DPF3: variants seen among roughly 807,000 people sequenced by gnomAD.
DPF3 encodes the protein double PHD fingers 3, also known as zinc finger protein DPF3.
Under a neutral mutation model 56.8 loss-of-function variants are expected in DPF3, and 18 were observed. The ratio of observed to expected loss-of-function variants is 0.32; its 90% CI spans 0.22 to 0.47. The LOEUF (loss-of-function observed/expected upper bound fraction) is 0.47. Among genes scored for constraint, DPF3 ranks in the 20% least tolerant of loss-of-function variants. DPF3 has a pLI of 1.00. For missense variants in DPF3, 403 were observed against 488.8 expected (o/e 0.82, Z 1.65); for synonymous variants, 188 against 180.2 (o/e 1.04, Z -0.35).
At chr14:72,708,205 T>C (rs1167013237) in intron 6 of DPF3, among the ~76,000 whole-genome samples, 3 of 152,166 alleles carry the variant, frequency 2.0e-5, no homozygotes, top group Admixed American at 1.3e-4. Context: ...CAGGAGGGTC[T>C]AGGGACAGCA....
At chr14:72,753,141 A>G in intron 3 of DPF3, 123 bp downstream of exon 3, 1 of 776,146 alleles carries the variant, frequency 1.3e-6, no homozygotes, top group African/African-American at 1.7e-5. Flanking sequence ...TGATGTGGGC[A>G]TGTTCCCTCT....
At chr14:72,726,196 G>A (rs982347458) in intron 4 of DPF3, among the ~76,000 whole-genome samples, 4 of 152,194 alleles carry the variant, frequency 2.6e-5, no homozygotes, top group African/African-American at 4.8e-5. Context: ...GTTGCTGTTC[G>A]TAGAACCATC....
At chr14:72,881,083 G>A (rs1312094385) in intron 1 of DPF3, among the ~76,000 whole-genome samples, 2 of 152,136 alleles carry the variant, frequency 1.3e-5, no homozygotes, top group African/African-American at 4.8e-5. Flanking sequence ...TTGACTGAAC[G>A]TACATCCAGT....
intron 1 of DPF3, among the ~76,000 whole-genome samples, chr14:72,877,220 G>A (rs977084088): frequency 1.3e-5 from 2 of 152,118 alleles, no homozygotes; most frequent in South Asian, 2.1e-4. Flanking sequence ...GCTTTCCAGC[G>A]GGCTTTTTCT....
chr14:72,732,956 G>A (rs530500243), intron 3 of DPF3, among the ~76,000 whole-genome samples: 3 of 148,002 alleles, frequency 2.0e-5, no homozygotes, highest in Non-Finnish European at 4.4e-5. Context: ...TTTAGAGACA[G>A]GGTCTTACTT....
chr14:72,830,123 A>G (rs917738935), intron 1 of DPF3, among the ~76,000 whole-genome samples: 1 of 152,190 alleles, frequency 6.6e-6, no homozygotes, highest in African/African-American at 2.4e-5. Flanking sequence ...TTTTAACACC[A>G]TTGTTTCTTA....
At chr14:72,759,106 T>C (rs1890961933) in intron 2 of DPF3, among the ~76,000 whole-genome samples, 1 of 152,226 alleles carries the variant, frequency 6.6e-6, no homozygotes, top group South Asian at 2.1e-4. Flanking sequence ...GATACATATG[T>C]ATTTTTAAGA....
chr14:72,837,592 G>T (rs1236563954), intron 1 of DPF3, among the ~76,000 whole-genome samples: 1 of 152,036 alleles, frequency 6.6e-6, no homozygotes, highest in African/African-American at 2.4e-5. Context: ...ACAAAAATTA[G>T]CTGGGCGCAG....
At chr14:72,709,624 G>A (rs1300406742) in intron 6 of DPF3, among the ~76,000 whole-genome samples, 1 of 152,164 alleles carries the variant, frequency 6.6e-6, no homozygotes, top group Non-Finnish European at 1.5e-5. Flanking sequence ...GAGAGCATAT[G>A]TAAGGGGCAG....
At chr14:72,852,909 G>A (rs1389593702) in intron 1 of DPF3, among the ~76,000 whole-genome samples, 1 of 152,110 alleles carries the variant, frequency 6.6e-6, no homozygotes, top group Non-Finnish European at 1.5e-5. Context: ...TTATAGAAAG[G>A]ACTTTTCTAA....
At chr14:72,810,905 T>C (rs1361211369) in intron 1 of DPF3, among the ~76,000 whole-genome samples, 1 of 152,218 alleles carries the variant, frequency 6.6e-6, no homozygotes, top group Non-Finnish European at 1.5e-5. Flanking sequence ...CCATTTGTAT[T>C]ACTATAAAGG....
Position 72,821,561 on chromosome 14 carries a change from A to G in DPF3, c.33-49668T>C, listed in dbSNP as rs1042842454. Among the ~76,000 whole-genome samples the G allele has an allele frequency of 3.9e-5, 6 of 152,238 alleles. No homozygotes were observed. In the South Asian group the frequency reaches 1.0e-3, roughly 26 times the overall value. On this transcript the variant is annotated intron_variant, in intron 1 of 10. Coordinates refer to ENST00000556509, the MANE Select transcript of DPF3 (RefSeq NM_001280542.3). ...ATTGTCCATGGTACAAACTTAATAA[A>G]TATTTCTCAAATATACTCAACGTAT...
intron 1 of DPF3, among the ~76,000 whole-genome samples, chr14:72,805,611 C>T (rs893886134): frequency 1.3e-5 from 2 of 152,010 alleles, no homozygotes; most frequent in Admixed American, 6.6e-5. Flanking sequence ...TTTGGGAGGC[C>T]GAGGTGGGCA....
intron 7 of DPF3, among the ~76,000 whole-genome samples, chr14:72,676,328 C>CA (rs1886905741): frequency 1.3e-5 from 2 of 152,174 alleles, no homozygotes; most frequent in Non-Finnish European, 2.9e-5. Flanking sequence ...CTAGTCTCCT[C>CA]AGCTGTCTCT....
At position 72,821,583 on chromosome 14, in the gene DPF3, G is replaced by A. The variant is rs531557233; in HGVS notation, c.33-49690C>T. On this transcript the variant is annotated intron_variant, in intron 1 of 10. Coordinates refer to ENST00000556509, the MANE Select transcript of DPF3 (RefSeq NM_001280542.3). ...TAAATATTTCTCAAATATACTCAAC[G>A]TATACACTATATAAGAACCTTAGAA... Among the ~76,000 whole-genome samples, 6 of 152,264 alleles carry A rather than the reference G, an allele frequency of 3.9e-5. No homozygotes were observed. In the East Asian group the frequency reaches 5.8e-4, roughly 15 times the overall value.
intron 1 of DPF3, among the ~76,000 whole-genome samples, chr14:72,789,048 G>A (rs542835934): frequency 4.6e-5 from 7 of 152,266 alleles, no homozygotes; most frequent in East Asian, 3.9e-4. Flanking sequence ...ATAATGGTGT[G>A]GCTACTTATT....
At chr14:72,868,606 G>A (rs1235984363) in intron 1 of DPF3, among the ~76,000 whole-genome samples, 1 of 152,138 alleles carries the variant, frequency 6.6e-6, no homozygotes. Context: ...GACACCTTGA[G>A]AAAACCAAAG....
At chr14:72,821,068 A>G (rs1883511782) in intron 1 of DPF3, among the ~76,000 whole-genome samples, 1 of 148,984 alleles carries the variant, frequency 6.7e-6, no homozygotes, top group Non-Finnish European at 1.5e-5. Context: ...TGAGACGCAG[A>G]GGTTGCAGTG....
chr14:72,665,952 A>T (rs1269056641), intron 8 of DPF3, among the ~76,000 whole-genome samples: 2 of 152,212 alleles, frequency 1.3e-5, no homozygotes, highest in African/African-American at 2.4e-5. Flanking sequence ...TCCAGTGGTG[A>T]GATACTTTGA....
Sources: allele counts gnomAD v4.1 joint callset (sites outside exome capture counted in the v4.1 genomes callset), GRCh38; gene constraint gnomAD v4.1.1; transcripts MANE v1.5; gene names NCBI Gene and HGNC (gene_info 2026-07-23, HGNC 2026-07-21).